WDFY4: variants seen among roughly 807,000 people sequenced by gnomAD.
The protein encoded by WDFY4 is WDFY family member 4, also known as WD repeat- and FYVE domain-containing protein 4.
A neutral mutation model predicts 351.9 loss-of-function variants in WDFY4; 169 were observed. The observed-to-expected ratio is 0.48, with a 90% confidence interval of 0.42 to 0.55. The LOEUF is 0.55. Among genes scored for constraint, WDFY4 ranks in the 20% least tolerant of loss-of-function variants. The probability of loss-of-function intolerance (pLI) is 0.00; values close to 1 mark genes in which losing one functional copy is unlikely to be tolerated. For missense variants in WDFY4, 3,803 were observed against 3,935.6 expected (o/e 0.97, Z 0.90); for synonymous variants, 1,622 against 1,574.6 (o/e 1.03, Z -0.71).
At chr10:48,897,270 G>C (rs1411530690) in intron 44 of WDFY4, among the ~76,000 whole-genome samples, 184 bp from the exon 45 acceptor site, 1 of 152,336 alleles carries the variant, frequency 6.6e-6, no homozygotes, top group Middle Eastern at 3.4e-3. Flanking sequence ...ACATGGGCAA[G>C]CACTCAGCAA....
intron 1 of WDFY4, among the ~76,000 whole-genome samples, chr10:48,695,856 C>T (rs2063318276): frequency 6.6e-6 from 1 of 152,148 alleles, no homozygotes; most frequent in African/African-American, 2.4e-5. Context: ...AGTAGGTACA[C>T]ATACCGAGAT....
intron 47 of WDFY4, among the ~76,000 whole-genome samples, chr10:48,938,259 G>A (rs763492457): frequency 1.6e-4 from 24 of 152,214 alleles, no homozygotes; most frequent in Admixed American, 3.9e-4. Context: ...GCATTAGCTC[G>A]GGGTCCCAGG....
At chr10:48,840,322 C>T (rs1053000180) in intron 39 of WDFY4, among the ~76,000 whole-genome samples, 2 of 151,834 alleles carry the variant, frequency 1.3e-5, no homozygotes, top group East Asian at 1.9e-4. Context: ...CAGCCTGGGG[C>T]GGTGGGGAGG....
At chr10:48,750,027 G>A (rs1287393465) in intron 12 of WDFY4, among the ~76,000 whole-genome samples, 2 of 152,198 alleles carry the variant, frequency 1.3e-5, no homozygotes, top group Non-Finnish European at 2.9e-5. Flanking sequence ...CAATAGTTAA[G>A]GTTTCATGGG....
At chr10:48,780,198 C>A in intron 19 of WDFY4, 79 bp downstream of exon 19, 1 of 1,481,716 alleles carries the variant, frequency 6.7e-7, no homozygotes, top group Non-Finnish European at 9.1e-7. Context: ...CGGTTTCATT[C>A]TATGTTTTTG....
chr10:48,721,749 TCCCAAGGA>T (rs1328673682), intron 4 of WDFY4, among the ~76,000 whole-genome samples: 1 of 152,116 alleles, frequency 6.6e-6, no homozygotes, highest in Non-Finnish European at 1.5e-5. Flanking sequence ...CAGTTAATCC[TCCCAAGGA>T]CCCTATGAGT....
At chr10:48,698,311 T>C (rs368910240) in intron 1 of WDFY4, among the ~76,000 whole-genome samples, 2 of 152,256 alleles carry the variant, frequency 1.3e-5, no homozygotes, top group African/African-American at 2.4e-5. Flanking sequence ...AGCACTCTGA[T>C]GTCACTCTCC....
At chr10:48,704,183 A>T (rs760463739) in intron 1 of WDFY4, among the ~76,000 whole-genome samples, 13 of 152,170 alleles carry the variant, frequency 8.5e-5, no homozygotes, top group Non-Finnish European at 1.8e-4. Flanking sequence ...GATCACCGGG[A>T]CCATGTGGAT....
At chr10:48,706,755 C>A (rs1469755349) in intron 1 of WDFY4, among the ~76,000 whole-genome samples, 2 of 152,130 alleles carry the variant, frequency 1.3e-5, no homozygotes, top group Admixed American at 6.5e-5. Flanking sequence ...GTTATTTTAT[C>A]ATGAATATAT....
At chr10:48,720,201 C>A (rs2064034821) in intron 3 of WDFY4, 76 bp downstream of exon 3, 13 of 1,412,598 alleles carry the variant, frequency 9.2e-6, no homozygotes, top group Non-Finnish European at 1.3e-5. Flanking sequence ...GCCTCTCAGG[C>A]CCCCCTCTGC....
intron 39 of WDFY4, among the ~76,000 whole-genome samples, chr10:48,844,484 C>T (rs1053833587): frequency 7.2e-5 from 11 of 152,022 alleles, no homozygotes; most frequent in African/African-American, 1.2e-4. Flanking sequence ...CCCAGCTACT[C>T]GGGAGGCTGA....
At chr10:48,837,132 T>C (rs2068428429) in intron 39 of WDFY4, among the ~76,000 whole-genome samples, 1 of 152,046 alleles carries the variant, frequency 6.6e-6, no homozygotes, top group South Asian at 2.1e-4. Flanking sequence ...TGTGTCATCA[T>C]CTGTTTATAT....
chr10:48,959,846 G>A (rs1291841877), intron 53 of WDFY4, 33 bp downstream of exon 53: 1 of 1,529,766 alleles, frequency 6.5e-7, no homozygotes. Flanking sequence ...GTATCCTGCT[G>A]GGGACCTGAA....
intron 39 of WDFY4, among the ~76,000 whole-genome samples, chr10:48,845,604 G>A (rs963151999): frequency 1.3e-5 from 2 of 152,136 alleles, no homozygotes; most frequent in Non-Finnish European, 2.9e-5. Flanking sequence ...ATGGACCCTC[G>A]TGATCATCTG....
intron 47 of WDFY4, among the ~76,000 whole-genome samples, chr10:48,909,245 A>C (rs1043251630): frequency 6.6e-6 from 1 of 152,232 alleles, no homozygotes; most frequent in Non-Finnish European, 1.5e-5. Context: ...TACAATTATC[A>C]AAATGTTAGA....
chr10:48,794,662 G>A (rs2066795775), intron 23 of WDFY4, among the ~76,000 whole-genome samples: 1 of 152,136 alleles, frequency 6.6e-6, no homozygotes, highest in South Asian at 2.1e-4. Context: ...AGAAGCAAGA[G>A]GGAAGAAAAA....
intron 39 of WDFY4, among the ~76,000 whole-genome samples, chr10:48,858,315 T>C (rs963001296): frequency 4.6e-5 from 7 of 152,228 alleles, no homozygotes; most frequent in African/African-American, 1.7e-4. Flanking sequence ...TCCCTAGATA[T>C]GAAAGATTTT....
chr10:48,743,156 C>G lies in WDFY4; in HGVS notation c.2067C>G (p.Ser689=). Residue 689 remains serine, a synonymous_variant, in exon 12 of 62, where the codon TCC becomes TCG. Coordinates refer to ENST00000325239, the MANE Select transcript of WDFY4 (RefSeq NM_001394531.1). ...ELVLYTLCAV[S]AALHWDPVNG... Reference sequence around the variant, plus strand: ...TTTTGTACACTCTCTGTGCTGTGTCCGCAGCGCTGCACTGGGACCCTGTCA... The same window carrying G: ...TTTTGTACACTCTCTGTGCTGTGTCGGCAGCGCTGCACTGGGACCCTGTCA... The G allele has an allele frequency of 6.4e-7, 1 of 1,551,656 alleles. No individual in the cohort carries two copies.
chr10:48,980,596 G>C (rs929014418), intron 60 of WDFY4, among the ~76,000 whole-genome samples: 2 of 152,192 alleles, frequency 1.3e-5, no homozygotes, highest in Non-Finnish European at 2.9e-5. Flanking sequence ...CTTGGGAGAA[G>C]CTTGTTGTTT....
Sources: allele counts gnomAD v4.1 joint callset (sites outside exome capture counted in the v4.1 genomes callset), GRCh38; gene constraint gnomAD v4.1.1; transcripts MANE v1.5; gene names NCBI Gene and HGNC (gene_info 2026-07-23, HGNC 2026-07-21).